PHIP: variants seen among roughly 807,000 people sequenced by gnomAD.
The protein encoded by PHIP is PHIP subunit of CUL4-Ring ligase complex, also known as PH-interacting protein.
A neutral mutation model predicts 236.8 loss-of-function variants in PHIP; 54 were observed. That is an observed-to-expected ratio of 0.23 (90% CI 0.18 to 0.29). The LOEUF is 0.29. Among genes scored for constraint, PHIP ranks in the 10% least tolerant of loss-of-function variants. The probability of loss-of-function intolerance (pLI) is 1.00; values close to 1 mark genes in which losing one functional copy is unlikely to be tolerated. For missense variants in PHIP, 1,370 were observed against 2,190.8 expected, an observed-to-expected ratio of 0.63 and a Z score of 7.48; for synonymous variants, 756 against 718.9, an observed-to-expected ratio of 1.05 and a Z score of -0.83.
chr6:78,962,519 A>G (rs1185525070), intron 30 of PHIP, among the ~76,000 whole-genome samples: 1 of 152,120 alleles, frequency 6.6e-6, no homozygotes, highest in Admixed American at 6.6e-5. Context: ...TACTCATGTT[A>G]ATTTCTCTCT....
chr6:78,975,490 T>A (rs1767983700), intron 24 of PHIP, among the ~76,000 whole-genome samples: 1 of 152,054 alleles, frequency 6.6e-6, no homozygotes, highest in South Asian at 2.1e-4. Flanking sequence ...CTCTCACCAC[T>A]CCTATTCAAC....
At chr6:78,949,302 T>C (rs909218642) in intron 35 of PHIP, among the ~76,000 whole-genome samples, 6 of 152,170 alleles carry the variant, frequency 3.9e-5, no homozygotes, top group South Asian at 2.1e-4. Flanking sequence ...TGGGAAAAGA[T>C]TGCCCCTTCC....
chr6:78,961,141 T>G (rs1367789119), intron 31 of PHIP, among the ~76,000 whole-genome samples: 1 of 152,050 alleles, frequency 6.6e-6, no homozygotes, highest in African/African-American at 2.4e-5. Context: ...ATAATGCAAA[T>G]TAATTGAAAT....
At chr6:79,013,969 CT>C (rs1770715055) in intron 15 of PHIP, among the ~76,000 whole-genome samples, 1 of 151,410 alleles carries the variant, frequency 6.6e-6, no homozygotes, top group Non-Finnish European at 1.5e-5. Context: ...TTACAGGTGG[CT>C]TTTTAAAAAA....
intron 7 of PHIP, among the ~76,000 whole-genome samples, chr6:79,029,380 C>T (rs933085351): frequency 2.0e-5 from 3 of 152,110 alleles, no homozygotes. Context: ...AAAAGATAAT[C>T]TGAGCATGAA....
Position 79,037,186 on chromosome 6 carries a change from A to G in PHIP, c.600+5657T>C, listed in dbSNP as rs1771982917. On this transcript the variant is annotated intron_variant, in intron 7 of 39. Coordinates refer to ENST00000275034, the MANE Select transcript of PHIP (RefSeq NM_017934.7). The stretch of plus-strand genomic sequence containing the variant: ...ACACTATATTTAACTGACATGTCTC[A>G]TCAGGCTCCTTCAATTTGGAATACT... Among the ~76,000 whole-genome samples the G allele has an allele frequency of 4.6e-5, 7 of 152,244 alleles. No homozygotes were observed. In the South Asian group the frequency reaches 1.5e-3, roughly 32 times the overall value.
chr6:79,034,754 G>C (rs1200023783), intron 7 of PHIP, among the ~76,000 whole-genome samples: 1 of 152,168 alleles, frequency 6.6e-6, no homozygotes, highest in Non-Finnish European at 1.5e-5. Flanking sequence ...TAGACAATTA[G>C]AGAGGACAAT....
At position 78,988,297 on chromosome 6, in the gene PHIP, G is replaced by T; in HGVS notation, c.2372C>A (p.Thr791Lys). 1.2e-6 allele frequency: 2 copies of T among 1,606,386 alleles called. No individual in the cohort carries two copies. Among genetic ancestry groups the T allele is most frequent in the Non-Finnish European group, 1.7e-6 (2 of 1,174,400 alleles). Reference protein sequence around the residue: ...LDLGESKKQQTNQHNYRTRSA... With the variant: ...LDLGESKKQQKNQHNYRTRSA... Reference sequence around the variant, plus strand: ...TCTTGTACGATAATTGTGTTGATTTGTCTGTTGCTTTTTGGATTCTCCAAG... The same window carrying T: ...TCTTGTACGATAATTGTGTTGATTTTTCTGTTGCTTTTTGGATTCTCCAAG... The change falls in exon 21 of 40, where the codon ACA becomes AAA. Residue 791 changes from threonine to lysine, a missense_variant. Around this residue, in one of 14 missense-constraint regions of PHIP, gnomAD observed 99 missense variants for 110.0 expected, o/e 0.90. Transcript: ENST00000275034.
intron 35 of PHIP, among the ~76,000 whole-genome samples, chr6:78,950,583 C>T (rs1300859751): frequency 1.3e-5 from 2 of 152,040 alleles, no homozygotes; most frequent in Non-Finnish European, 2.9e-5. Context: ...CTTTGAATAT[C>T]GGTCTATTTC....
chr6:79,026,038 C>T lies in PHIP; in HGVS notation c.727G>A (p.Gly243Arg). ...VNYENTMIAA[G>R]SCDKMIRVWC... is the part of the protein sequence containing the mutation. ...ACTCGGATCATTTTATCACAACTTC[C>T]AGCTGCTATCATGGTATTCTCATAG... Residue 243 changes from glycine (G) to arginine (R), a missense_variant, in exon 8 of 40, where the codon GGA (glycine) becomes AGA (arginine). Transcript: ENST00000275034. 1 of 1,614,000 alleles carries T rather than the reference C, an allele frequency of 6.2e-7. No homozygotes were observed. Among genetic ancestry groups the T allele is most frequent in the Non-Finnish European group, 8.5e-7 (1 of 1,179,922 alleles).
intron 4 of PHIP, among the ~76,000 whole-genome samples, chr6:79,064,524 TATCA>T (rs947281690): frequency 4.1e-4 from 62 of 152,324 alleles, no homozygotes; most frequent in African/African-American, 1.4e-3. Flanking sequence ...CACCTTCAAT[TATCA>T]ATAACTCCAA....
chr6:79,075,331 G>A (rs1042375379), intron 4 of PHIP, among the ~76,000 whole-genome samples: 2 of 152,070 alleles, frequency 1.3e-5, no homozygotes, highest in African/African-American at 4.8e-5. Context: ...TAAGCAATAT[G>A]CTGAATGAAT....
rs941511089 is a variant in PHIP, at chr6:78,936,677, T to G, written c.*4016A>C. On this transcript the variant is annotated 3_prime_UTR_variant, in exon 40 of 40. Transcript: ENST00000275034. ...AAAAATAATATCTATTTATAGCTCA[T>G]ATTTTCTACTCACTGTTCTACTGCA... The G allele has an allele frequency of 4.0e-5, 6 of 151,878 alleles. No individual in the cohort carries two copies. Among genetic ancestry groups the G allele is most frequent in the Non-Finnish European group, 8.9e-5 (6 of 67,764 alleles). 9.4% of individuals were successfully genotyped at this position (151,878 alleles called of 1,614,324 possible). A position where few individuals can be genotyped will look rare whatever the true frequency, so the allele number is the denominator to read the frequency against.
intron 4 of PHIP, among the ~76,000 whole-genome samples, chr6:79,069,260 T>C (rs1008813458): frequency 1.3e-5 from 2 of 150,526 alleles, no homozygotes; most frequent in African/African-American, 4.9e-5. Flanking sequence ...AAGGCCTATA[T>C]TAAAATCCCA....
intron 6 of PHIP, among the ~76,000 whole-genome samples, chr6:79,049,445 G>T (rs1285171074): frequency 6.6e-6 from 1 of 152,126 alleles, no homozygotes; most frequent in African/African-American, 2.4e-5. Context: ...AAATGCAAAA[G>T]TAATTATAAT....
rs1163438293 is a variant in PHIP at position 78,936,294 on chromosome 6, T to C, written c.*4399A>G. On this transcript the variant is annotated 3_prime_UTR_variant, in exon 40 of 40. Coordinates refer to ENST00000275034, the MANE Select transcript of PHIP (RefSeq NM_017934.7). ...CTCTAGGTCAGTTACTTTTTAAAAATTGAGCTACATTCTACACATGTCTAA... is the reference window on the plus strand; with the variant it reads ...CTCTAGGTCAGTTACTTTTTAAAAACTGAGCTACATTCTACACATGTCTAA... The C allele has an allele frequency of 1.3e-5, 2 of 151,972 alleles. No individual in the cohort carries two copies. The highest frequency in any genetic ancestry group is 6.6e-5 in the Admixed American group (1 of 15,256). The allele number at this position is 151,972 out of a possible 1,614,324, so 9.4% of individuals were successfully genotyped here.
At chr6:78,973,685 G>C (rs1022634487) in intron 24 of PHIP, among the ~76,000 whole-genome samples, 9 of 151,144 alleles carry the variant, frequency 6.0e-5, no homozygotes, top group South Asian at 2.1e-4. Flanking sequence ...GGAGGAAGAT[G>C]TACCAAGCAA....
rs1212845397 is a variant in PHIP at position 78,998,232 on chromosome 6, TTAAAA to T, written c.2017+17_2017+21del. On this transcript the variant is annotated intron_variant, in intron 18 of 39. Transcript: ENST00000275034. Reference sequence around the variant, plus strand: ...TGTTTCAAATTTTTAAATATTTCACTTAAAATAGAATACCTGCTTACCTCTACTTA... The same window carrying T: ...TGTTTCAAATTTTTAAATATTTCACTTAGAATACCTGCTTACCTCTACTTA... The T allele has an allele frequency of 4.4e-6, 7 of 1,593,826 alleles. No homozygotes were observed. The highest frequency in any genetic ancestry group is 1.3e-5 in the African/African-American group (1 of 74,512).
intron 4 of PHIP, among the ~76,000 whole-genome samples, chr6:79,070,392 C>A (rs1295450998): frequency 1.3e-5 from 2 of 152,168 alleles, no homozygotes; most frequent in Non-Finnish European, 2.9e-5. Context: ...GTTTCAAGCA[C>A]AGTACTCAAA....
Sources: gnomAD v4.1 joint callset for allele counts (sites outside exome capture counted in the v4.1 genomes callset) on GRCh38, gnomAD v4.1.1 for gene constraint, gnomAD v4.1.1 regional missense constraint, MANE v1.5 for transcripts, NCBI Gene and HGNC (gene_info 2026-07-23, HGNC 2026-07-21) for gene names.